Variants in GIT2 observed in about 807,000 individuals in gnomAD.
GIT2 encodes GIT ArfGAP 2, also known as ARF GTPase-activating protein GIT2.
GIT2 carries 32 observed loss-of-function variants against 100.3 expected under a neutral mutation model. The ratio of observed to expected loss-of-function variants is 0.32; its 90% confidence interval spans 0.24 to 0.43. GIT2 has a LOEUF of 0.43. Ranked by LOEUF, GIT2 falls within the 20% of genes least tolerant of loss-of-function variation. The probability of loss-of-function intolerance (pLI) is 1.00; values close to 1 mark genes in which losing one functional copy is unlikely to be tolerated. For missense variants in GIT2, 737 were observed against 975.1 expected, an observed-to-expected ratio of 0.76 and a Z score of 3.25; for synonymous variants, 353 against 364.1, an observed-to-expected ratio of 0.97 and a Z score of 0.35.
chr12:109,935,637 C>T (rs1051392906), intron 18 of GIT2, among the ~76,000 whole-genome samples: 2 of 152,228 alleles, frequency 1.3e-5, no homozygotes, highest in Admixed American at 6.5e-5. Flanking sequence ...CCTGACTGAT[C>T]CACCCGCCTT....
intron 7 of GIT2, among the ~76,000 whole-genome samples, chr12:109,978,243 C>T (rs1221529901): frequency 2.0e-5 from 3 of 151,744 alleles, no homozygotes; most frequent in African/African-American, 4.8e-5. Flanking sequence ...CCAACATGCC[C>T]GGCTACTTTT....
At position 109,931,569 on chromosome 12, in the gene GIT2, A is replaced by G. The variant is rs955293845; in HGVS notation, c.*1409T>C. The G allele has an allele frequency of 1.3e-5, 2 of 152,260 alleles. No homozygotes were observed. The highest frequency in any genetic ancestry group is 2.9e-5 in the Non-Finnish European group (2 of 68,054). 9.4% of individuals were successfully genotyped at this position (152,260 alleles called of 1,614,324 possible). On this transcript the variant is annotated 3_prime_UTR_variant, in exon 20 of 20. Coordinates refer to ENST00000355312, the MANE Select transcript of GIT2 (RefSeq NM_057169.5). The stretch of plus-strand genomic sequence containing the variant: ...CCTAGGCCCACTTTTCCACATGGCA[A>G]CAGGCGTGGAGCTGGGGGCTACTGC...
intron 12 of GIT2, among the ~76,000 whole-genome samples, chr12:109,959,469 A>G (rs1479446026): frequency 6.6e-6 from 1 of 152,230 alleles, no homozygotes; most frequent in Non-Finnish European, 1.5e-5. Flanking sequence ...GTCCCAAAAC[A>G]AAACAGAAAT....
At chr12:109,966,333 C>A (rs1882387045) in intron 8 of GIT2, among the ~76,000 whole-genome samples, 1 of 151,012 alleles carries the variant, frequency 6.6e-6, no homozygotes, top group Non-Finnish European at 1.5e-5. Context: ...CATGGTGAAA[C>A]CCCATCTCTA....
intron 13 of GIT2, among the ~76,000 whole-genome samples, chr12:109,951,568 A>G (rs1877866832): frequency 6.6e-6 from 1 of 152,154 alleles, no homozygotes; most frequent in South Asian, 2.1e-4. Flanking sequence ...ATGACTGTCT[A>G]AGGAGGTCTG....
Position 109,947,300 on chromosome 12 carries a change from G to T in GIT2, c.1597C>A (p.Arg533Ser), listed in dbSNP as rs772698569. Residue 533 changes from arginine (R) to serine (S), a missense_variant, in exon 15 of 20, where the codon CGC becomes AGC. Coordinates refer to ENST00000355312, the MANE Select transcript of GIT2 (RefSeq NM_057169.5). This position sits in a 1 kb window ranked among gnomAD's most constrained non-coding sequence, Gnocchi z 4.3. ...AGTCTCATCCTGCTCTCTTCGGGGC[G>T]GCTCGCTTCTCCCATTGGGAGATAT... ...KPYLPMGEAS[R>S]PEESRMRLQP... 6.2e-7 allele frequency: 1 copy of T among 1,614,070 alleles called. No individual in the cohort carries two copies. The highest frequency in any genetic ancestry group is 1.1e-5 in the South Asian group (1 of 91,082).
Position 109,983,489 on chromosome 12 carries a change from G to T in GIT2, c.507C>A (p.Thr169=), listed in dbSNP as rs1221383345. 9.3e-6 allele frequency: 15 copies of T among 1,613,626 alleles called. No individual in the cohort carries two copies. The highest frequency in any genetic ancestry group is 1.1e-5 in the Non-Finnish European group (13 of 1,179,652). The change falls in exon 6 of 20, where the codon ACC becomes ACA. Residue 169 remains threonine (T), a synonymous_variant. Coordinates refer to ENST00000355312, the MANE Select transcript of GIT2 (RefSeq NM_057169.5). The stretch of plus-strand genomic sequence containing the variant: ...CTGCTTTGGAGGCAACATGGAGTGG[G>T]GTGTTTCCTTTTTCCTAAGAATCAT... The part of the protein sequence containing the change: ...ANFFHPEKGN[T]PLHVASKAGQ...
chr12:109,952,341 G>A (rs1294983961), intron 13 of GIT2, among the ~76,000 whole-genome samples: 5 of 152,210 alleles, frequency 3.3e-5, no homozygotes, highest in Admixed American at 2.0e-4. Context: ...CTCTGGTGCC[G>A]AGGTCTCTCC....
upstream of GIT2, chr12:109,999,656 G>T (rs1889837238): frequency 1.3e-6 from 2 of 1,494,960 alleles, no homozygotes; most frequent in South Asian, 1.3e-5. This position sits in a 1 kb window ranked among gnomAD's most constrained non-coding sequence, Gnocchi z 4.3. Flanking sequence ...GACTTGGGGC[G>T]GGCGACGAGG....
At chr12:109,945,924 C>T (rs1447980925) in intron 15 of GIT2, among the ~76,000 whole-genome samples, 1 of 152,062 alleles carries the variant, frequency 6.6e-6, no homozygotes, top group Non-Finnish European at 1.5e-5. Context: ...TGCCTGAGCT[C>T]AGGAGTTTGA....
chr12:109,945,300 G>A lies in GIT2; in HGVS notation c.1691C>T (p.Pro564Leu), dbSNP rs911789972. Residue 564 changes from proline to leucine, a missense_variant, in exon 16 of 20, where the codon CCC becomes CTC. Transcript: ENST00000355312. ...VTSSSSLPSF[P>L]STLSWSRDES... ...GTCCCTCGACCAGGAAAGTGTGGAG[G>A]GGAAGGAAGGCAGAGATGAAGAGGA... The A allele has an allele frequency of 1.0e-5, 16 of 1,588,034 alleles. No individual in the cohort carries two copies. Among genetic ancestry groups the A allele is most frequent in the Admixed American group, 1.0e-4 (6 of 59,906 alleles).
chr12:109,999,248 G>A (rs1889806571), upstream of GIT2: 1 of 153,244 alleles, frequency 6.5e-6, no homozygotes, highest in Non-Finnish European at 1.4e-5. The surrounding 1 kb of genome is among the most constrained non-coding windows in gnomAD (Gnocchi z 4.3). Context: ...TCCGCGTGGA[G>A]ATCTTTGGCC....
chr12:109,988,985 A>G lies in GIT2; in HGVS notation c.383T>C (p.Val128Ala), dbSNP rs777488170. The stretch of plus-strand genomic sequence containing the variant: ...CACCTTGCTAAGATCTTTGGCAGTC[A>G]CACTATCGTCATCCCGGCAGGGCAA... ...HRLPCRDDDS[V>A]TAKDLSKQLH... Residue 128 changes from valine (V) to alanine (A), a missense_variant, in exon 4 of 20, where the codon GTG becomes GCG. By Grantham distance (64) the Val-to-Ala change is moderately conservative (BLOSUM62 0). Transcript: ENST00000355312. 4 of 1,606,158 alleles carry G rather than the reference A, an allele frequency of 2.5e-6. No homozygotes were observed. The South Asian group carries it at 4.4e-5, about 18-fold the overall frequency.
chr12:109,966,291 C>A (rs1334835694), intron 8 of GIT2, among the ~76,000 whole-genome samples: 1 of 142,798 alleles, frequency 7.0e-6, no homozygotes, highest in Non-Finnish European at 1.5e-5. Flanking sequence ...ACTGCCCTGG[C>A]GAGGTCAGGG....
intron 12 of GIT2, among the ~76,000 whole-genome samples, chr12:109,959,359 C>T (rs957942295): frequency 5.9e-5 from 9 of 152,154 alleles, no homozygotes; most frequent in Non-Finnish European, 1.0e-4. Context: ...TGAGCCACCA[C>T]GCCCGGCCAA....
chr12:109,983,828 G>A (rs927100240), intron 4 of GIT2, 134 bp from the exon 5 acceptor site: 4 of 621,898 alleles, frequency 6.4e-6, no homozygotes, highest in Non-Finnish European at 8.6e-6. Context: ...TAAAGTGCAT[G>A]GACCAGTCTC....
chr12:109,989,117 A>G (rs376644789), intron 3 of GIT2, 49 bp from the exon 4 acceptor site: 2 of 1,087,488 alleles, frequency 1.8e-6, no homozygotes, highest in Non-Finnish European at 1.4e-6. Flanking sequence ...AGATACAACA[A>G]TCCCCATTCT....
intron 7 of GIT2, among the ~76,000 whole-genome samples, chr12:109,975,485 A>T (rs1016320949): frequency 1.3e-5 from 2 of 152,114 alleles, no homozygotes; most frequent in African/African-American, 2.4e-5. Flanking sequence ...AAGTGTTGGG[A>T]TTACAGGTGT....
intron 4 of GIT2, among the ~76,000 whole-genome samples, chr12:109,984,712 G>A (rs1005655172): frequency 5.9e-5 from 9 of 152,096 alleles, no homozygotes; most frequent in African/African-American, 2.2e-4. Flanking sequence ...CTCCCAAAGT[G>A]TTGGGATTAC....
Sources: gnomAD v4.1 joint callset for allele counts (sites outside exome capture counted in the v4.1 genomes callset) on GRCh38, gnomAD v4.1.1 for gene constraint, Gnocchi (gnomAD v3.1) non-coding constraint, MANE v1.5 for transcripts, NCBI Gene and HGNC (gene_info 2026-07-23, HGNC 2026-07-21) for gene names.